The following SLCO5A1 variants were observed in gnomAD, a reference collection of about 807,000 sequenced individuals.
The protein encoded by SLCO5A1 is solute carrier organic anion transporter family member 5A1.
A neutral mutation model predicts 65.1 loss-of-function variants in SLCO5A1; 39 were observed. The observed-to-expected ratio is 0.60, with a 90% CI of 0.46 to 0.78. The LOEUF is 0.78. Among genes scored for constraint, SLCO5A1 ranks in the 30% least tolerant of loss-of-function variants. The pLI is 0.00. For synonymous variants in SLCO5A1, 438 were observed against 415.7 expected (o/e 1.05, Z -0.65); for missense variants, 1,029 against 1,069.4 (o/e 0.96, Z 0.53).
intron 5 of SLCO5A1, chr8:69,719,575 A>G (rs778409999): frequency 6.6e-6 from 1 of 152,246 alleles, no homozygotes; most frequent in Non-Finnish European, 1.5e-5. Context: ...AACCAAGGCT[A>G]AAAAGAATTT....
chr8:69,704,397 G>A (rs13251538), intron 6 of SLCO5A1, among the ~76,000 whole-genome samples: 19,933 of 152,174 alleles, frequency 0.13, 1,425 homozygotes, highest in Non-Finnish European at 0.16. Context: ...ATGGTAAGGG[G>A]GAGTTATGCT....
At chr8:69,683,380 G>C (rs1040479855) in intron 6 of SLCO5A1, among the ~76,000 whole-genome samples, 1 of 152,144 alleles carries the variant, frequency 6.6e-6, no homozygotes, top group Admixed American at 6.5e-5. Flanking sequence ...TGGAATGTCT[G>C]TTACGTACCA....
intron 2 of SLCO5A1, among the ~76,000 whole-genome samples, chr8:69,815,029 G>A (rs1037066464): frequency 6.6e-6 from 1 of 152,176 alleles, no homozygotes; most frequent in African/African-American, 2.4e-5. Context: ...GAAGTGGGGA[G>A]ATGATGATTA....
chr8:69,694,993 A>T (rs377748735), intron 6 of SLCO5A1, among the ~76,000 whole-genome samples: 1 of 152,218 alleles, frequency 6.6e-6, no homozygotes, highest in Non-Finnish European at 1.5e-5. Flanking sequence ...ATCCCTGAGC[A>T]GAGGTAGGTG....
intron 2 of SLCO5A1, among the ~76,000 whole-genome samples, chr8:69,764,705 C>G (rs536228581): frequency 6.6e-6 from 1 of 152,256 alleles, no homozygotes; most frequent in South Asian, 2.1e-4. Context: ...TATTCCCATA[C>G]GCATATGAAG....
rs561575553 is a variant in SLCO5A1, at chr8:69,716,450, A to T, written c.1424-11221T>A. ...TCACATTCTCAGCAGCAGTGTAAGG[A>T]TTCCAATTTCTACACATCTTCACCA... On this transcript the variant is annotated intron_variant, in intron 5 of 9. Transcript: ENST00000260126. Among the ~76,000 whole-genome samples, 8 of 152,332 alleles carry T rather than the reference A, an allele frequency of 5.3e-5. No individual in the cohort carries two copies. In the South Asian group the frequency reaches 6.2e-4, roughly 12 times the overall value.
chr8:69,760,198 CA>C (rs1365655006), intron 3 of SLCO5A1, among the ~76,000 whole-genome samples: 1 of 152,144 alleles, frequency 6.6e-6, no homozygotes, highest in Non-Finnish European at 1.5e-5. Context: ...CAATGAAAAA[CA>C]TCTCTACTCT....
At chr8:69,691,429 A>T (rs1380737337) in intron 6 of SLCO5A1, among the ~76,000 whole-genome samples, 1 of 152,232 alleles carries the variant, frequency 6.6e-6, no homozygotes, top group East Asian at 1.9e-4. Flanking sequence ...ATGATGTTGA[A>T]CACCAGATCC....
intron 2 of SLCO5A1, among the ~76,000 whole-genome samples, chr8:69,807,229 A>G (rs1016245914): frequency 3.3e-5 from 5 of 152,226 alleles, no homozygotes; most frequent in African/African-American, 1.2e-4. Flanking sequence ...TTTTTAATTG[A>G]CATAATAATT....
intron 7 of SLCO5A1, among the ~76,000 whole-genome samples, chr8:69,681,279 A>T (rs1813750872): frequency 6.6e-6 from 1 of 152,200 alleles, no homozygotes; most frequent in Non-Finnish European, 1.5e-5. Context: ...CTTCACAAAG[A>T]ATCAAACTGG....
chr8:69,695,383 T>G (rs1814454333), intron 6 of SLCO5A1, among the ~76,000 whole-genome samples: 1 of 151,992 alleles, frequency 6.6e-6, no homozygotes, highest in African/African-American at 2.4e-5. Flanking sequence ...TAATCTCAGC[T>G]ACTCAGGAGG....
At chr8:69,697,584 C>G (rs1009184799) in intron 6 of SLCO5A1, among the ~76,000 whole-genome samples, 2 of 151,940 alleles carry the variant, frequency 1.3e-5, no homozygotes, top group African/African-American at 4.8e-5. Flanking sequence ...CTAGATTGGG[C>G]AGAGATGGAA....
At chr8:69,721,732 A>C (rs955368468) in intron 5 of SLCO5A1, among the ~76,000 whole-genome samples, 2 of 152,182 alleles carry the variant, frequency 1.3e-5, no homozygotes, top group African/African-American at 4.8e-5. Context: ...TTCAAATCCT[A>C]TTTATTTCAG....
chr8:69,687,015 C>T (rs1814030696), intron 6 of SLCO5A1, among the ~76,000 whole-genome samples: 1 of 149,882 alleles, frequency 6.7e-6, no homozygotes, highest in Non-Finnish European at 1.5e-5. Flanking sequence ...CAGCATTGTG[C>T]CTGGGACATA....
Position 69,833,029 on chromosome 8 carries a change from G to A in SLCO5A1, c.-356C>T. On this transcript the variant is annotated 5_prime_UTR_variant, in exon 2 of 10. Transcript: ENST00000260126. ...CCGCCGCCGCCGCCGCTGGGCCCGC[G>A]GCCAGGAGCGAGTGCACCCTGCGCC... 3.4e-6 allele frequency: 1 copy of A among 297,458 alleles called. No homozygotes were observed. 18.4% of individuals were successfully genotyped at this position (297,458 alleles called of 1,614,324 possible).
At chr8:69,760,558 T>C (rs910705212) in intron 3 of SLCO5A1, among the ~76,000 whole-genome samples, 2 of 152,312 alleles carry the variant, frequency 1.3e-5, no homozygotes, top group Admixed American at 1.3e-4. Flanking sequence ...TGTGTGTCTA[T>C]GTTCCAAAAA....
At chr8:69,756,751 G>A (rs1044517652) in intron 3 of SLCO5A1, among the ~76,000 whole-genome samples, 1 of 152,234 alleles carries the variant, frequency 6.6e-6, no homozygotes, top group Admixed American at 6.5e-5. Context: ...GCACTAGGAA[G>A]CAAACACAGG....
intron 4 of SLCO5A1, among the ~76,000 whole-genome samples, chr8:69,750,258 G>A (rs998780340): frequency 2.0e-5 from 3 of 152,088 alleles, no homozygotes; most frequent in Non-Finnish European, 4.4e-5. Context: ...GGCAAGGGTC[G>A]ATGCAGCAGG....
intron 3 of SLCO5A1, among the ~76,000 whole-genome samples, chr8:69,758,443 G>A (rs913274159): frequency 6.6e-6 from 1 of 152,046 alleles, no homozygotes; most frequent in Non-Finnish European, 1.5e-5. Flanking sequence ...GCTTCCCAAA[G>A]TGCTGGGATT....
Sources: allele counts gnomAD v4.1 joint callset (sites outside exome capture counted in the v4.1 genomes callset), GRCh38; gene constraint gnomAD v4.1.1; transcripts MANE v1.5; gene names NCBI Gene and HGNC (gene_info 2026-07-23, HGNC 2026-07-21).